Variants in DOCK3 observed in about 807,000 individuals in gnomAD.
DOCK3 encodes the protein dedicator of cytokinesis protein 3.
A neutral mutation model predicts 265.6 loss-of-function variants in DOCK3; 60 were observed. That is an observed-to-expected ratio of 0.23 (90% CI 0.18 to 0.28). DOCK3 has a LOEUF of 0.28. Ranked by LOEUF, DOCK3 falls within the 10% of genes least tolerant of loss-of-function variation. The pLI is 1.00. For synonymous variants in DOCK3, 881 were observed against 938.0 expected, an observed-to-expected ratio of 0.94 and a Z score of 1.11; for missense variants, 1,981 against 2,594.3, an observed-to-expected ratio of 0.76 and a Z score of 5.14.
chr3:50,879,839 C>G (rs550421078), intron 3 of DOCK3, among the ~76,000 whole-genome samples: 1 of 152,174 alleles, frequency 6.6e-6, no homozygotes, highest in Non-Finnish European at 1.5e-5. Context: ...TTTTTCTCAG[C>G]ACTACATCAC....
chr3:50,898,031 G>T (rs2048979680), intron 4 of DOCK3, among the ~76,000 whole-genome samples: 1 of 111,318 alleles, frequency 9.0e-6, no homozygotes, highest in Admixed American at 1.1e-4. Flanking sequence ...TCAGTTTTTT[G>T]GAATAGTTTG....
At chr3:51,314,532 C>T (rs1042910520) in intron 31 of DOCK3, among the ~76,000 whole-genome samples, 4 of 152,190 alleles carry the variant, frequency 2.6e-5, no homozygotes, top group Non-Finnish European at 1.5e-5. Flanking sequence ...ACTGGATATC[C>T]TCATCACTTA....
intron 1 of DOCK3, among the ~76,000 whole-genome samples, chr3:50,701,515 A>G (rs1195838303): frequency 5.9e-5 from 9 of 151,768 alleles, no homozygotes; most frequent in African/African-American, 2.2e-4. Flanking sequence ...GTTTGCAAAT[A>G]TTTTCTCCCA....
chr3:50,949,318 C>G (rs1056220826), intron 5 of DOCK3, among the ~76,000 whole-genome samples: 1 of 152,042 alleles, frequency 6.6e-6, no homozygotes, highest in Non-Finnish European at 1.5e-5. Context: ...AATAACAAAA[C>G]AACCCAACAA....
chr3:51,012,515 G>A (rs2078993784), intron 5 of DOCK3, among the ~76,000 whole-genome samples: 1 of 152,158 alleles, frequency 6.6e-6, no homozygotes, highest in South Asian at 2.1e-4. Context: ...ATTAGGGTGG[G>A]AGTGACCCAA....
intron 4 of DOCK3, among the ~76,000 whole-genome samples, chr3:50,907,937 G>T (rs2049622095): frequency 1.3e-5 from 2 of 151,748 alleles, no homozygotes; most frequent in African/African-American, 4.9e-5. Flanking sequence ...TTTGTTCCTG[G>T]TTCAGTCTTG....
chr3:51,173,737 T>C, intron 12 of DOCK3, among the ~76,000 whole-genome samples: 1 of 152,218 alleles, frequency 6.6e-6, no homozygotes, highest in East Asian at 1.9e-4. Context: ...CTTACTGCTT[T>C]CAAAATTATC....
At chr3:51,288,823 C>T (rs2081561169) in intron 27 of DOCK3, among the ~76,000 whole-genome samples, 1 of 151,830 alleles carries the variant, frequency 6.6e-6, no homozygotes. Flanking sequence ...CATAAGCCAA[C>T]AGATTTTATT....
At chr3:50,798,410 T>C (rs1048404183) in intron 2 of DOCK3, among the ~76,000 whole-genome samples, 1 of 152,154 alleles carries the variant, frequency 6.6e-6, no homozygotes, top group Admixed American at 6.5e-5. Flanking sequence ...GACAAGAGAA[T>C]GAGAAAGGCC....
chr3:50,780,335 T>C (rs1295950292), intron 2 of DOCK3, among the ~76,000 whole-genome samples: 2 of 152,160 alleles, frequency 1.3e-5, no homozygotes, highest in South Asian at 4.1e-4. Context: ...TGTTTTGCTA[T>C]AAAGGAGTAC....
chr3:51,309,103 C>T (rs1023862552), intron 27 of DOCK3, among the ~76,000 whole-genome samples: 191 of 148,254 alleles, frequency 1.3e-3, no homozygotes, highest in African/African-American at 4.1e-3. Context: ...TTCCAGACTG[C>T]GCAGCCAGGC....
intron 6 of DOCK3, among the ~76,000 whole-genome samples, chr3:51,066,918 A>T (rs750578041): frequency 1.7e-4 from 26 of 152,286 alleles, no homozygotes; most frequent in Non-Finnish European, 3.4e-4. Flanking sequence ...GTATAACATG[A>T]ATTTAGGTGT....
chr3:50,917,678 G>A (rs931242166), intron 4 of DOCK3, among the ~76,000 whole-genome samples: 2 of 151,610 alleles, frequency 1.3e-5, no homozygotes, highest in Non-Finnish European at 2.9e-5. Flanking sequence ...TCTTAATATT[G>A]TTTGTTTTCT....
intron 3 of DOCK3, 103 bp from the exon 4 acceptor site, chr3:50,889,923 A>T (rs1259772941): frequency 1.2e-5 from 11 of 885,040 alleles, no homozygotes; most frequent in Non-Finnish European, 1.7e-5. Flanking sequence ...GTAGCAGGAG[A>T]TCTACTATGT....
intron 12 of DOCK3, among the ~76,000 whole-genome samples, chr3:51,173,599 A>G (rs1406361847): frequency 1.3e-5 from 2 of 152,210 alleles, no homozygotes; most frequent in Non-Finnish European, 2.9e-5. Flanking sequence ...CTTTGCTGGG[A>G]AAAGTATTCT....
At chr3:51,086,235 C>T (rs2082419488) in intron 7 of DOCK3, among the ~76,000 whole-genome samples, 1 of 152,212 alleles carries the variant, frequency 6.6e-6, no homozygotes, top group African/African-American at 2.4e-5. Flanking sequence ...GTCCTTAAGG[C>T]ACAGATCGCT....
chr3:50,957,499 A>G (rs1157473228), intron 5 of DOCK3, among the ~76,000 whole-genome samples: 2 of 152,208 alleles, frequency 1.3e-5, no homozygotes, highest in Non-Finnish European at 2.9e-5. Context: ...TATCAAAACC[A>G]AATGCCAGGA....
In DOCK3 at chr3:51,340,996, C is replaced by T. The variant is rs142134498; in HGVS notation, c.3767-241C>T. 2.6e-4 allele frequency among the ~76,000 whole-genome samples: 40 copies of T among 152,312 alleles called. No individual in the cohort carries two copies. In the East Asian group the frequency reaches 5.6e-3, roughly 21 times the overall value. ...TTCTTTATTAATCTGGAGGCTGGAACAGGTGACCAGGCCATGGAAGGAAGG... is the reference window on the plus strand; with the variant it reads ...TTCTTTATTAATCTGGAGGCTGGAATAGGTGACCAGGCCATGGAAGGAAGG... On this transcript the variant is annotated intron_variant, in intron 37 of 52. Transcript: ENST00000266037.
chr3:50,765,232 C>T (rs1397826770), intron 1 of DOCK3, among the ~76,000 whole-genome samples: 1 of 151,382 alleles, frequency 6.6e-6, no homozygotes, highest in Non-Finnish European at 1.5e-5. Flanking sequence ...CAGGCACGTG[C>T]CACCATTCCT....
Sources: gnomAD v4.1 joint callset for allele counts (sites outside exome capture counted in the v4.1 genomes callset) on GRCh38, gnomAD v4.1.1 for gene constraint, MANE v1.5 for transcripts, NCBI Gene and HGNC (gene_info 2026-07-23, HGNC 2026-07-21) for gene names.